Variants in EYA3 observed in about 807,000 individuals in gnomAD.
The protein encoded by EYA3 is protein phosphatase EYA3.
In EYA3, 39 loss-of-function variants were observed where a neutral mutation model predicts 80.0. The ratio of observed to expected loss-of-function variants is 0.49; its 90% CI spans 0.38 to 0.64. The LOEUF (loss-of-function observed/expected upper bound fraction) is 0.64, where lower values mean the gene tolerates loss of function less well. EYA3 is among the 30% of genes least tolerant of loss of function. The pLI is 0.00. For missense variants in EYA3, 523 were observed against 676.1 expected, an observed-to-expected ratio of 0.77 and a Z score of 2.51; for synonymous variants, 206 against 232.8, an observed-to-expected ratio of 0.88 and a Z score of 1.05.
At chr1:28,082,364 A>T (rs1177667812) in intron 1 of EYA3, among the ~76,000 whole-genome samples, 3 of 152,202 alleles carry the variant, frequency 2.0e-5, no homozygotes, top group East Asian at 1.9e-4. Flanking sequence ...ATTTGATTAA[A>T]TTTTTTTATT....
intron 13 of EYA3, among the ~76,000 whole-genome samples, chr1:27,996,514 C>T (rs1322091846): frequency 2.0e-5 from 3 of 152,168 alleles, no homozygotes; most frequent in Non-Finnish European, 2.9e-5. Context: ...CCTCCATGAC[C>T]ATGTGACACC....
intron 10 of EYA3, among the ~76,000 whole-genome samples, chr1:28,007,839 C>T (rs1005623314): frequency 3.9e-5 from 6 of 152,172 alleles, no homozygotes; most frequent in East Asian, 1.9e-4. Flanking sequence ...ACAAATTCAA[C>T]GCAATCCCTA....
intron 1 of EYA3, among the ~76,000 whole-genome samples, chr1:28,072,151 T>C (rs529368904): frequency 3.3e-5 from 5 of 152,212 alleles, no homozygotes; most frequent in African/African-American, 9.6e-5. Flanking sequence ...TTGGGACAGA[T>C]AGGAACTGAA....
intron 16 of EYA3, among the ~76,000 whole-genome samples, chr1:27,984,273 C>G (rs745585811): frequency 1.3e-4 from 19 of 151,560 alleles, no homozygotes; most frequent in Non-Finnish European, 2.7e-4. Flanking sequence ...CTCCTGGCCT[C>G]AAGTGATGCC....
At chr1:28,063,352 C>CTTTTTTTTTTTTT (rs371840536) in intron 1 of EYA3, among the ~76,000 whole-genome samples, 1 of 93,552 alleles carries the variant, frequency 1.1e-5, no homozygotes, top group Non-Finnish European at 2.0e-5. Context: ...TAACTAAAAC[C>CTTTTTTTTTTTTT]TTTTTTTTTT....
At chr1:28,077,426 G>A (rs1394687687) in intron 1 of EYA3, among the ~76,000 whole-genome samples, 2 of 152,112 alleles carry the variant, frequency 1.3e-5, no homozygotes, top group African/African-American at 4.8e-5. Context: ...TAATGAAACA[G>A]GAAGATGTGT....
At chr1:27,978,191 C>T (rs1483398693) in intron 17 of EYA3, among the ~76,000 whole-genome samples, 183 bp downstream of exon 17, 1 of 151,844 alleles carries the variant, frequency 6.6e-6, no homozygotes, top group African/African-American at 2.4e-5. Context: ...GATCTAAAAA[C>T]TTAAGAGGAA....
At chr1:28,032,864 G>C (rs1344394008) in intron 6 of EYA3, among the ~76,000 whole-genome samples, 2 of 152,140 alleles carry the variant, frequency 1.3e-5, no homozygotes, top group Non-Finnish European at 2.9e-5. Flanking sequence ...TAGACCTAAA[G>C]TTATGAGCAC....
intron 9 of EYA3, among the ~76,000 whole-genome samples, chr1:28,011,730 G>A (rs1448182046): frequency 6.6e-6 from 1 of 152,270 alleles, no homozygotes; most frequent in East Asian, 1.9e-4. Context: ...GGGAGAAAAA[G>A]AGACGGGAGG....
chr1:27,997,241 T>C, intron 13 of EYA3, 79 bp downstream of exon 13: 3 of 1,305,706 alleles, frequency 2.3e-6, no homozygotes, highest in South Asian at 2.4e-5. Context: ...CTATTTATCT[T>C]TGTTTTCCTC....
At chr1:28,036,950 G>A (rs1266128233) in intron 5 of EYA3, among the ~76,000 whole-genome samples, 1 of 152,134 alleles carries the variant, frequency 6.6e-6, no homozygotes, top group African/African-American at 2.4e-5. Context: ...GGGAGAGAAA[G>A]GGTGTTCTAG....
chr1:27,979,228 A>G (rs964201250), intron 16 of EYA3, among the ~76,000 whole-genome samples: 8 of 152,188 alleles, frequency 5.3e-5, no homozygotes, highest in African/African-American at 1.7e-4. Context: ...CAAGGCCCTG[A>G]TTTCTTGTTA....
intron 17 of EYA3, chr1:27,977,453 G>T: frequency 2.8e-6 from 4 of 1,443,182 alleles, no homozygotes; most frequent in Non-Finnish European, 3.8e-6. Flanking sequence ...AGCAGATGAG[G>T]ATACTCAAAG....
rs1380857945 is a variant in EYA3 at position 28,009,736 on chromosome 1, G to A, written c.909+1211C>T. On this transcript the variant is annotated intron_variant, in intron 10 of 17. Transcript: ENST00000373871. This position sits in a 1 kb window ranked among gnomAD's most constrained non-coding sequence, Gnocchi z 4.8. The stretch of plus-strand genomic sequence containing the variant: ...ACATTTTCTGTGATTCCACTTATAT[G>A]AGATATCTAGAATAAGAAGTCAAAG... Among the ~76,000 whole-genome samples the A allele has an allele frequency of 6.6e-6, 1 of 152,174 alleles. No individual in the cohort carries two copies. The highest frequency in any genetic ancestry group is 6.5e-5 in the Admixed American group (1 of 15,274).
At chr1:27,996,989 T>C (rs1054278748) in intron 13 of EYA3, among the ~76,000 whole-genome samples, 2 of 152,212 alleles carry the variant, frequency 1.3e-5, no homozygotes, top group Non-Finnish European at 2.9e-5. Context: ...TCTAAGATGC[T>C]GCAATTACAG....
chr1:27,995,464 T>C (rs559319187), intron 13 of EYA3, among the ~76,000 whole-genome samples: 1 of 146,372 alleles, frequency 6.8e-6, no homozygotes, highest in Admixed American at 6.8e-5. Context: ...AAGCTGGGTG[T>C]AGTTGCTCAC....
chr1:27,986,896 G>A (rs535025450), intron 16 of EYA3, among the ~76,000 whole-genome samples: 1 of 151,662 alleles, frequency 6.6e-6, no homozygotes, highest in South Asian at 2.1e-4. Context: ...TAGAGATGGG[G>A]TTTCACCGTG....
chr1:28,004,418 C>T lies in EYA3; in HGVS notation c.911G>A (p.Arg304Gln), dbSNP rs1025371741. 5.0e-6 allele frequency: 8 copies of T among 1,602,846 alleles called. No individual in the cohort carries two copies. Among genetic ancestry groups the T allele is most frequent in the East Asian group, 2.2e-5 (1 of 44,752 alleles). The change falls in exon 11 of 18, where the codon CGG becomes CAG. Residue 304 changes from arginine (R) to glutamine (Q), a missense_variant and splice_region_variant. This residue lies in a region of EYA3 where 219 missense variants were observed against 332.8 expected (regional missense o/e 0.66). Transcript: ENST00000373871. Reference sequence around the variant, plus strand: ...TTCATCCAAGTCCCACAGAAATACCCGCTGAGGAAAGAAAATATAAAAAAT... The same window carrying T: ...TTCATCCAAGTCCCACAGAAATACCTGCTGAGGAAAGAAAATATAAAAAAT... ...ATSSQDSELE[R>Q]VFLWDLDETI...
intron 1 of EYA3, among the ~76,000 whole-genome samples, chr1:28,080,477 CAAAAT>C (rs1004635578): frequency 4.0e-5 from 6 of 151,808 alleles, no homozygotes; most frequent in African/African-American, 1.2e-4. Context: ...AACAAACAAA[CAAAAT>C]AGAATAGAAA....
Sources: allele counts gnomAD v4.1 joint callset (sites outside exome capture counted in the v4.1 genomes callset), GRCh38; gene constraint gnomAD v4.1.1; regional missense constraint gnomAD v4.1.1; non-coding constraint Gnocchi (gnomAD v3.1); transcripts MANE v1.5; gene names NCBI Gene and HGNC (gene_info 2026-07-23, HGNC 2026-07-21).